LCMT1: variants seen among roughly 807,000 people sequenced by gnomAD.
LCMT1 encodes the protein leucine carboxyl methyltransferase 1, also known as [Phosphatase 2A protein]-leucine-carboxy methyltransferase 1.
LCMT1 carries 32 observed loss-of-function variants against 47.7 expected under a neutral mutation model. The observed-to-expected ratio is 0.67, with a 90% CI of 0.51 to 0.90. The LOEUF (loss-of-function observed/expected upper bound fraction) is 0.90. Ranked by LOEUF, LCMT1 falls within the 40% of genes least tolerant of loss-of-function variation. The pLI, the probability that LCMT1 is intolerant of heterozygous loss-of-function variation, is 0.00. For synonymous variants in LCMT1, 152 were observed against 149.7 expected (o/e 1.02, Z -0.11); for missense variants, 375 against 415.2 (o/e 0.90, Z 0.84).
chr16:25,111,771 A>C lies in LCMT1; in HGVS notation c.-113A>C, dbSNP rs1289212041. 5 of 688,300 alleles carry C rather than the reference A, an allele frequency of 7.3e-6. No individual in the cohort carries two copies. Among genetic ancestry groups the C allele is most frequent in the African/African-American group, 1.8e-5 (1 of 56,150 alleles). 42.6% of individuals were successfully genotyped at this position (688,300 alleles called of 1,614,324 possible). A position where few individuals can be genotyped will look rare whatever the true frequency, so the allele number is the denominator to read the frequency against. ...CTGAGCCGCGCCAGCTGAGCCAGGTAGGGCCCTACCCTCTTCTGTTGCTTT... is the reference window on the plus strand; with the variant it reads ...CTGAGCCGCGCCAGCTGAGCCAGGTCGGGCCCTACCCTCTTCTGTTGCTTT... On this transcript the variant is annotated 5_prime_UTR_variant, in exon 1 of 11. Coordinates refer to ENST00000399069, the MANE Select transcript of LCMT1 (RefSeq NM_016309.3).
At chr16:25,169,305 C>G in intron 8 of LCMT1, 92 bp downstream of exon 8, 1 of 839,552 alleles carries the variant, frequency 1.2e-6, no homozygotes, top group African/African-American at 1.7e-5. Context: ...ATGGAGAAGC[C>G]CTGTTCAGTG....
chr16:25,166,499 C>T (rs1473518350), intron 7 of LCMT1, among the ~76,000 whole-genome samples: 1 of 151,990 alleles, frequency 6.6e-6, no homozygotes, highest in Non-Finnish European at 1.5e-5. Flanking sequence ...ACCGCGGGCT[C>T]AGATGATCCT....
intron 8 of LCMT1, among the ~76,000 whole-genome samples, chr16:25,170,143 C>T (rs1175393071): frequency 6.6e-6 from 1 of 152,106 alleles, no homozygotes; most frequent in African/African-American, 2.4e-5. Context: ...TTGCTTGAAC[C>T]TGGGAGATGG....
Position 25,111,927 on chromosome 16 carries a change from C to G in LCMT1, c.44C>G (p.Ser15Cys). The change falls in exon 1 of 11, where the codon TCC (serine) becomes TGC (cysteine). Residue 15 changes from serine to cysteine, a missense_variant. Coordinates refer to ENST00000399069, the MANE Select transcript of LCMT1 (RefSeq NM_016309.3). The part of the protein sequence containing the change: ...QRESSITSCC[S>C]TSSCDADDEG... ...GAATCCTCTATCACCTCCTGCTGTT[C>G]CACCTCGAGCTGCGACGCAGACGAC... The G allele has an allele frequency of 5.0e-6, 8 of 1,613,618 alleles. No homozygotes were observed. Among genetic ancestry groups the G allele is most frequent in the Non-Finnish European group, 6.8e-6 (8 of 1,179,742 alleles).
chr16:25,173,810 T>C (rs1961846929), intron 9 of LCMT1, among the ~76,000 whole-genome samples: 1 of 151,662 alleles, frequency 6.6e-6, no homozygotes, highest in Non-Finnish European at 1.5e-5. Flanking sequence ...CTCCCAAAGC[T>C]CTGGCATTAG....
intron 5 of LCMT1, among the ~76,000 whole-genome samples, chr16:25,159,560 C>G (rs569866665): frequency 6.6e-6 from 1 of 152,170 alleles, no homozygotes; most frequent in Non-Finnish European, 1.5e-5. Context: ...GCCACCGCAC[C>G]CAGATACATG....
chr16:25,170,282 A>T (rs2141713869), intron 8 of LCMT1, among the ~76,000 whole-genome samples: 1 of 152,250 alleles, frequency 6.6e-6, no homozygotes, highest in South Asian at 2.1e-4. Context: ...TAACAATTAG[A>T]GTGCTTTAAA....
intron 9 of LCMT1, 134 bp downstream of exon 9, chr16:25,170,939 T>TA (rs1213021220): frequency 3.1e-6 from 2 of 635,096 alleles, no homozygotes; most frequent in Non-Finnish European, 5.3e-6. Flanking sequence ...AACAAACAAA[T>TA]AAAAAACAAG....
chr16:25,146,570 G>C (rs1243614517), intron 4 of LCMT1: 1 of 152,318 alleles, frequency 6.6e-6, no homozygotes, highest in African/African-American at 2.4e-5. Flanking sequence ...TGCTGTCTTG[G>C]TCAGTCTCCT....
At chr16:25,123,920 C>T (rs1244864397) in intron 1 of LCMT1, among the ~76,000 whole-genome samples, 1 of 152,066 alleles carries the variant, frequency 6.6e-6, no homozygotes, top group East Asian at 1.9e-4. Flanking sequence ...AATTTGCTTC[C>T]TTTCTTTCAA....
Position 25,151,547 on chromosome 16 carries a change from C to A in LCMT1, c.405-7C>A. On this transcript the variant is annotated splice_polypyrimidine_tract_variant and splice_region_variant and intron_variant, in intron 4 of 10. Coordinates refer to ENST00000399069, the MANE Select transcript of LCMT1 (RefSeq NM_016309.3). ...TCATTTTTCTCCTCTTTCCCATCTT[C>A]CCATAGATGCAAGCCTCCCCTATCC... 3 of 1,611,014 alleles carry A rather than the reference C, an allele frequency of 1.9e-6. No individual in the cohort carries two copies. Among genetic ancestry groups the A allele is most frequent in the Admixed American group, 1.7e-5 (1 of 59,928 alleles).
chr16:25,169,135 G>A lies in LCMT1; in HGVS notation c.714G>A (p.Gly238=), dbSNP rs896292658. Residue 238 remains glycine (G), a synonymous_variant, in exon 8 of 11, where the codon GGG becomes GGA. Coordinates refer to ENST00000399069, the MANE Select transcript of LCMT1 (RefSeq NM_016309.3). ...YEQVNMGDRF[G]QIMIENLRRR... ...AGGTGAACATGGGTGATCGGTTTGG[G>A]CAGATCATGATTGAAAACCTGCGGA... 1 of 1,613,146 alleles carries A rather than the reference G, an allele frequency of 6.2e-7. No individual in the cohort carries two copies. Among genetic ancestry groups the A allele is most frequent in the African/African-American group, 1.3e-5 (1 of 74,898 alleles).
chr16:25,140,126 C>A, intron 3 of LCMT1, 45 bp from the exon 4 acceptor site: 1 of 1,396,996 alleles, frequency 7.2e-7, no homozygotes. Flanking sequence ...ATGATCAGCA[C>A]ATGTAAGAGT....
chr16:25,134,410 G>A (rs1960444604), intron 3 of LCMT1, among the ~76,000 whole-genome samples: 1 of 152,212 alleles, frequency 6.6e-6, no homozygotes, highest in Non-Finnish European at 1.5e-5. Flanking sequence ...GTTTTACACA[G>A]ATGAGGGAAA....
intron 1 of LCMT1, among the ~76,000 whole-genome samples, chr16:25,127,851 T>A (rs1316669161): frequency 6.7e-6 from 1 of 148,158 alleles, no homozygotes; most frequent in Non-Finnish European, 1.5e-5. Context: ...GCAAGAAGGC[T>A]TCCTGTGCTA....
intron 7 of LCMT1, among the ~76,000 whole-genome samples, chr16:25,166,500 A>C (rs1252499496): frequency 1.3e-5 from 2 of 152,070 alleles, no homozygotes; most frequent in Non-Finnish European, 2.9e-5. Flanking sequence ...CCGCGGGCTC[A>C]GATGATCCTG....
At chr16:25,126,556 CCTCTCCTTT>C (rs930410737) in intron 1 of LCMT1, among the ~76,000 whole-genome samples, 2 of 152,178 alleles carry the variant, frequency 1.3e-5, no homozygotes, top group African/African-American at 2.4e-5. Context: ...TAATTATCTG[CCTCTCCTTT>C]CTCTCCTTGT....
At chr16:25,175,162 G>A in intron 10 of LCMT1, 128 bp downstream of exon 10, 3 of 608,106 alleles carry the variant, frequency 4.9e-6, no homozygotes, top group Non-Finnish European at 8.8e-6. Flanking sequence ...CTTGTTTTGA[G>A]ACAGGGTCTC....
At chr16:25,152,875 C>T (rs1435893794) in intron 5 of LCMT1, among the ~76,000 whole-genome samples, 3 of 152,176 alleles carry the variant, frequency 2.0e-5, no homozygotes, top group African/African-American at 4.8e-5. Flanking sequence ...TTTCTCATTT[C>T]TGAGCCTTTC....
Sources: allele counts gnomAD v4.1 joint callset (sites outside exome capture counted in the v4.1 genomes callset), GRCh38; gene constraint gnomAD v4.1.1; transcripts MANE v1.5; gene names NCBI Gene and HGNC (gene_info 2026-07-23, HGNC 2026-07-21).